The following ZPBP variants were observed in gnomAD, a reference collection of about 807,000 sequenced individuals.
The protein encoded by ZPBP is zona pellucida-binding protein 1.
In ZPBP, 26 loss-of-function variants were observed where a neutral mutation model predicts 44.8. The ratio of observed to expected loss-of-function variants is 0.58; its 90% confidence interval spans 0.43 to 0.81. The LOEUF is 0.81. ZPBP is among the 30% of genes least tolerant of loss of function. The pLI is 0.00. For missense variants in ZPBP, 409 were observed against 434.0 expected, an observed-to-expected ratio of 0.94 and a Z score of 0.51; for synonymous variants, 174 against 153.2, an observed-to-expected ratio of 1.14 and a Z score of -1.00.
At chr7:49,957,172 T>A (rs1562800058) in intron 7 of ZPBP, among the ~76,000 whole-genome samples, 1 of 152,184 alleles carries the variant, frequency 6.6e-6, no homozygotes, top group Non-Finnish European at 1.5e-5. Context: ...CAGATGTCAA[T>A]ACCTTGATCC....
chr7:50,011,683 T>C (rs1261027014), intron 6 of ZPBP, among the ~76,000 whole-genome samples: 28 of 152,090 alleles, frequency 1.8e-4, no homozygotes, highest in Admixed American at 1.8e-3. Context: ...AAACTAGAAA[T>C]TGATAATAAG....
intron 6 of ZPBP, among the ~76,000 whole-genome samples, chr7:50,011,391 C>T (rs1392107594): frequency 2.0e-5 from 3 of 152,132 alleles, no homozygotes; most frequent in Non-Finnish European, 4.4e-5. Flanking sequence ...AAAGCTTCTG[C>T]ACAACAAAGG....
chr7:49,935,864 A>C (rs1983162), downstream of ZPBP: 118,568 of 152,106 alleles, frequency 0.78, 46,403 homozygotes, highest in East Asian at 0.89. Context: ...CTGGGGTCAC[A>C]TATCTCTTCG....
At chr7:49,962,031 C>T (rs1795880585) in intron 7 of ZPBP, among the ~76,000 whole-genome samples, 1 of 151,832 alleles carries the variant, frequency 6.6e-6, no homozygotes, top group Admixed American at 6.6e-5. Context: ...AAAACCAAAA[C>T]CAAAATAAAC....
intron 1 of ZPBP, among the ~76,000 whole-genome samples, chr7:49,906,278 C>T (rs1292199899): frequency 2.0e-5 from 3 of 151,746 alleles, no homozygotes; most frequent in Non-Finnish European, 4.4e-5. Flanking sequence ...ATAATAAGGA[C>T]AAAAAATTCA....
chr7:50,087,820 A>T (rs1361120859), intron 2 of ZPBP, among the ~76,000 whole-genome samples: 1 of 152,040 alleles, frequency 6.6e-6, no homozygotes, highest in Non-Finnish European at 1.5e-5. Context: ...AAGTTCATAG[A>T]TTGAAAGACT....
intron 2 of ZPBP, among the ~76,000 whole-genome samples, chr7:49,871,842 T>C (rs2128723512): frequency 6.6e-6 from 1 of 151,460 alleles, no homozygotes; most frequent in Non-Finnish European, 1.5e-5. Context: ...TACATACATG[T>C]ACATGTATGC....
intron 6 of ZPBP, among the ~76,000 whole-genome samples, chr7:49,991,688 C>T (rs1249083932): frequency 6.6e-6 from 1 of 151,794 alleles, no homozygotes; most frequent in Non-Finnish European, 1.5e-5. Context: ...GGTAAACTGG[C>T]ATATTAAGTT....
intron 2 of ZPBP, among the ~76,000 whole-genome samples, chr7:49,868,086 G>A (rs894644204): frequency 3.1e-4 from 47 of 151,970 alleles, no homozygotes; most frequent in Admixed American, 9.2e-4. Flanking sequence ...CACCCACCTC[G>A]GCCTCCCAAA....
chr7:49,912,804 T>G lies in ZPBP; in HGVS notation n.412-11589A>C, dbSNP rs562210330. On this transcript the variant is annotated intron_variant and non_coding_transcript_variant, in intron 1 of 2. Transcript: ENST00000465922. ...CTCAGTCACTTGTGAAATGCAGGTG[T>G]AAAGATCACTAACTCACACTTTCTC... 4 of 152,476 alleles carry G rather than the reference T, an allele frequency of 2.6e-5. No homozygotes were observed. In the East Asian group the frequency reaches 7.7e-4, roughly 29 times the overall value. 9.4% of individuals were successfully genotyped at this position (152,476 alleles called of 1,614,324 possible).
chr7:49,849,912 G>A (rs1790108893), downstream of ZPBP, among the ~76,000 whole-genome samples: 1 of 152,096 alleles, frequency 6.6e-6, no homozygotes, highest in Non-Finnish European at 1.5e-5. Flanking sequence ...CATAGCACAG[G>A]TACAAAAAAA....
intron 3 of ZPBP, 105 bp from the exon 4 acceptor site, chr7:50,058,246 T>G: frequency 8.3e-7 from 1 of 1,210,358 alleles, no homozygotes; most frequent in East Asian, 2.4e-5. Context: ...ACACAGTCAA[T>G]GAAAGGAGTG....
chr7:49,928,267 G>T (rs973158188), intron 1 of ZPBP, among the ~76,000 whole-genome samples: 5 of 152,164 alleles, frequency 3.3e-5, no homozygotes, highest in African/African-American at 1.2e-4. Flanking sequence ...ATTCCTATGT[G>T]CTGTGTGCTT....
chr7:49,917,718 C>T (rs1449449864), intron 1 of ZPBP: 1 of 151,956 alleles, frequency 6.6e-6, no homozygotes, highest in Non-Finnish European at 1.5e-5. Flanking sequence ...CCAACATATA[C>T]ATTAAAGTGT....
In ZPBP at chr7:49,983,536, A is replaced by G. The variant is rs760189411; in HGVS notation, c.784-17T>C. On this transcript the variant is annotated splice_polypyrimidine_tract_variant and intron_variant, in intron 6 of 7. Coordinates refer to ENST00000046087, the MANE Select transcript of ZPBP (RefSeq NM_007009.3). ...ATTTTTAGCCTAAAACATAAATACA[A>G]TTTGATAAACTGTTAGCCATAAAAA... 1 of 1,476,636 alleles carries G rather than the reference A, an allele frequency of 6.8e-7. No homozygotes were observed. Among genetic ancestry groups the G allele is most frequent in the Non-Finnish European group, 9.4e-7 (1 of 1,068,688 alleles). 91.5% of individuals were successfully genotyped at this position (1,476,636 alleles called of 1,614,324 possible). A position where few individuals can be genotyped will look rare whatever the true frequency, so the allele number is the denominator to read the frequency against.
intron 5 of ZPBP, among the ~76,000 whole-genome samples, chr7:50,028,680 A>T (rs980040420): frequency 1.3e-5 from 2 of 151,992 alleles, no homozygotes; most frequent in Admixed American, 1.3e-4. Context: ...AACCCAGTGT[A>T]TTTCTATACA....
At chr7:50,082,975 C>T (rs1198334663) in intron 2 of ZPBP, among the ~76,000 whole-genome samples, 1 of 151,814 alleles carries the variant, frequency 6.6e-6, no homozygotes, top group Non-Finnish European at 1.5e-5. Context: ...TCTCACTATA[C>T]CTCTTTTCAC....
At chr7:49,939,053 C>T (rs1794741838) in intron 7 of ZPBP, among the ~76,000 whole-genome samples, 1 of 152,012 alleles carries the variant, frequency 6.6e-6, no homozygotes, top group African/African-American at 2.4e-5. Context: ...GATTTATTTC[C>T]TCCAGTGATA....
intron 4 of ZPBP, among the ~76,000 whole-genome samples, chr7:50,043,755 C>G (rs1480837077): frequency 6.6e-6 from 1 of 152,120 alleles, no homozygotes; most frequent in African/African-American, 2.4e-5. Context: ...TTAGACAGAT[C>G]AATGAGACAG....
Sources: allele counts gnomAD v4.1 joint callset (sites outside exome capture counted in the v4.1 genomes callset), GRCh38; gene constraint gnomAD v4.1.1; transcripts MANE v1.5; gene names NCBI Gene and HGNC (gene_info 2026-07-23, HGNC 2026-07-21).